SPATA31G1: variants seen among roughly 807,000 people sequenced by gnomAD.
SPATA31G1 encodes the protein spermatogenesis-associated protein 31G1.
the SPATA31G1 span, chr9:35,045,635 T>TGCTC: frequency 6.2e-7 from 1 of 1,614,172 alleles, no homozygotes; most frequent in Non-Finnish European, 8.5e-7. Context: ...CTCAACACAC[T>TGCTC]GCTCTTCCCC....
chr9:35,044,898 G>A, the SPATA31G1 span: 5 of 1,614,100 alleles, frequency 3.1e-6, no homozygotes, highest in Non-Finnish European at 4.2e-6. Flanking sequence ...GTGCCCAGGG[G>A]TTAAGGCAGA....
At chr9:35,045,390 C>G in the SPATA31G1 span, 1 of 1,614,074 alleles carries the variant, frequency 6.2e-7, no homozygotes, top group South Asian at 1.1e-5. Flanking sequence ...CCCAGGAGAA[C>G]CCTCAAACTC....
the SPATA31G1 span, chr9:35,044,688 G>GC: frequency 6.2e-7 from 1 of 1,614,102 alleles, no homozygotes; most frequent in South Asian, 1.1e-5. Context: ...TGAGCTCCCA[G>GC]CCCCCAGCTC....
chr9:35,043,750 A>G, the SPATA31G1 span: 1 of 1,614,216 alleles, frequency 6.2e-7, no homozygotes, highest in African/African-American at 1.3e-5. Flanking sequence ...ACCGTGGGAT[A>G]CAGAGAGAAA....
chr9:35,043,531 G>A, the SPATA31G1 span: 3 of 1,613,938 alleles, frequency 1.9e-6, no homozygotes, highest in African/African-American at 2.7e-5. Flanking sequence ...GTTTTATCTG[G>A]CGCTGAGGCA....
chr9:35,041,396 G>A, the SPATA31G1 span: 1 of 207,642 alleles, frequency 4.8e-6, no homozygotes, highest in Non-Finnish European at 9.9e-6. Flanking sequence ...TCTTTGAAGA[G>A]GAACCTCTAC....
At chr9:35,042,795 C>A in the SPATA31G1 span, 4 of 1,558,148 alleles carry the variant, frequency 2.6e-6, no homozygotes, top group South Asian at 4.9e-5. Context: ...AGACTGAGTG[C>A]CTCATAGCAA....
the SPATA31G1 span, chr9:35,045,435 G>T: frequency 6.2e-7 from 1 of 1,614,136 alleles, no homozygotes; most frequent in South Asian, 1.1e-5. Context: ...AAAGGACAAG[G>T]CTTCAGCCTC....
the SPATA31G1 span, chr9:35,045,380 C>A: frequency 6.2e-7 from 1 of 1,614,034 alleles, no homozygotes; most frequent in South Asian, 1.1e-5. Flanking sequence ...TATCTCCAGG[C>A]CCAGGAGAAC....
At chr9:35,043,248 T>C in the SPATA31G1 span, 6 of 1,614,120 alleles carry the variant, frequency 3.7e-6, no homozygotes, top group Admixed American at 3.3e-5. Context: ...CAGCGAGTCC[T>C]TGGAGGCCAT....
chr9:35,043,297 C>G, the SPATA31G1 span: 1 of 1,614,188 alleles, frequency 6.2e-7, no homozygotes, highest in Non-Finnish European at 8.5e-7. Context: ...CTGAAGTGGT[C>G]TGTTTGTTCT....
At chr9:35,045,826 G>T in the SPATA31G1 span, 1 of 1,613,412 alleles carries the variant, frequency 6.2e-7, no homozygotes. Flanking sequence ...TTAGCCAAAT[G>T]CCTGGATAAC....
chr9:35,043,787 A>G, the SPATA31G1 span: 1 of 1,614,180 alleles, frequency 6.2e-7, no homozygotes, highest in African/African-American at 1.3e-5. Flanking sequence ...CTTCAATGCC[A>G]GTCCCTTGCC....
At chr9:35,043,216 T>G in the SPATA31G1 span, 123 of 1,614,078 alleles carry the variant, frequency 7.6e-5, no homozygotes, top group Non-Finnish European at 9.2e-5. Context: ...AGCCAGCTCT[T>G]CTGGGGTCTC....
chr9:35,044,064 C>G, the SPATA31G1 span: 1 of 1,614,076 alleles, frequency 6.2e-7, no homozygotes, highest in Non-Finnish European at 8.5e-7. Context: ...CTCAGTCCCT[C>G]TCCTGGAGTC....
chr9:35,042,209 T>A, the SPATA31G1 span: 1 of 1,594,700 alleles, frequency 6.3e-7, no homozygotes, highest in Admixed American at 1.7e-5. Context: ...CTTTGTTCTG[T>A]GATGCAATGA....
chr9:35,041,910 T>C, the SPATA31G1 span: 1 of 195,180 alleles, frequency 5.1e-6, no homozygotes, highest in Admixed American at 5.3e-5. Context: ...ATAAAGATAA[T>C]GATATCTTTA....
the SPATA31G1 span, chr9:35,042,630 A>G: frequency 7.5e-7 from 1 of 1,329,814 alleles, no homozygotes; most frequent in African/African-American, 1.4e-5. Context: ...ATTTGAAGCC[A>G]GGTGAGTGAC....
chr9:35,042,429 C>CT, the SPATA31G1 span: 2 of 1,614,194 alleles, frequency 1.2e-6, no homozygotes, highest in Non-Finnish European at 1.7e-6. Context: ...ATGGTGGCAG[C>CT]TTGGGAGGTT....
Sources: allele counts gnomAD v4.1 joint callset, GRCh38; gene constraint gnomAD v4.1.1; transcripts MANE v1.5; gene names NCBI Gene and HGNC (gene_info 2026-07-23, HGNC 2026-07-21).